Variants in KIAA1217 observed in about 807,000 individuals in gnomAD.
The protein encoded by KIAA1217 is KIAA1217.
KIAA1217 carries 88 observed loss-of-function variants against 163.9 expected under a neutral mutation model. The observed-to-expected ratio is 0.54, with a 90% confidence interval of 0.45 to 0.64. KIAA1217 has a LOEUF of 0.64. Ranked by LOEUF, KIAA1217 falls within the 30% of genes least tolerant of loss-of-function variation. The pLI, the probability that KIAA1217 is intolerant of heterozygous loss-of-function variation, is 0.00. For missense variants in KIAA1217, 2,372 were observed against 2,475.0 expected, an observed-to-expected ratio of 0.96 and a Z score of 0.88; for synonymous variants, 903 against 923.1, an observed-to-expected ratio of 0.98 and a Z score of 0.39.
At chr10:23,948,499 G>C (rs1012077241) in intron 1 of KIAA1217, among the ~76,000 whole-genome samples, 10 of 152,058 alleles carry the variant, frequency 6.6e-5, no homozygotes, top group Non-Finnish European at 4.4e-5. Flanking sequence ...ATTTAGTGAG[G>C]TTTTTTGTGA....
At position 24,511,498 on chromosome 10, in the gene KIAA1217, C is replaced by T. The variant is rs111669182; in HGVS notation, c.2002-1761C>T. 6.4e-3 allele frequency among the ~76,000 whole-genome samples: 974 copies of T among 151,904 alleles called. 5 individuals carry two copies. The highest frequency in any genetic ancestry group is 9.0e-3 in the Non-Finnish European group (609 of 67,938). On this transcript the variant is annotated intron_variant, in intron 9 of 20. Coordinates refer to ENST00000376454, the MANE Select transcript of KIAA1217 (RefSeq NM_019590.5). ...TCTCTACTAAAAATTCAAAATTAGC[C>T]GGGTGTGGTGGTGTGGTGGGCACCT...
intron 1 of KIAA1217, among the ~76,000 whole-genome samples, chr10:23,723,333 A>G (rs999936462): frequency 2.6e-5 from 4 of 151,854 alleles, no homozygotes; most frequent in Admixed American, 6.6e-5. Flanking sequence ...TCTGGTTTCT[A>G]TTAGTGTACT....
At chr10:24,110,873 A>G (rs556778910) in intron 2 of KIAA1217, among the ~76,000 whole-genome samples, 2 of 152,372 alleles carry the variant, frequency 1.3e-5, no homozygotes, top group Admixed American at 1.3e-4. Context: ...TAAAACTGAG[A>G]TAATTTGATA....
intron 1 of KIAA1217, among the ~76,000 whole-genome samples, chr10:23,845,839 T>A (rs1277967871): frequency 6.6e-6 from 1 of 152,230 alleles, no homozygotes; most frequent in African/African-American, 2.4e-5. Context: ...TGCCTAGGTT[T>A]TCTTCTAGGA....
At chr10:24,070,761 A>G (rs61109801) in intron 2 of KIAA1217, among the ~76,000 whole-genome samples, 14,343 of 152,208 alleles carry the variant, frequency 0.094, 1,026 homozygotes, top group African/African-American at 0.2. Flanking sequence ...TTTCATTTGC[A>G]CATTATCAGT....
intron 2 of KIAA1217, among the ~76,000 whole-genome samples, chr10:24,076,384 T>C (rs373404139): frequency 3.9e-5 from 6 of 152,322 alleles, no homozygotes; most frequent in South Asian, 4.1e-4. Context: ...CATCTTTGCA[T>C]TGTGGCCATG....
intron 3 of KIAA1217, among the ~76,000 whole-genome samples, chr10:24,412,249 T>A (rs563936176): frequency 2.0e-5 from 3 of 152,188 alleles, no homozygotes; most frequent in African/African-American, 7.2e-5. Context: ...ATTCGAGCCA[T>A]GTCTCATCTG....
At chr10:24,105,498 G>C (rs2062590235) in intron 2 of KIAA1217, among the ~76,000 whole-genome samples, 2 of 152,132 alleles carry the variant, frequency 1.3e-5, no homozygotes, top group Non-Finnish European at 2.9e-5. Context: ...GCTGAGCCAG[G>C]CATAAATAAG....
At chr10:23,700,887 C>T (rs1836399237) in intron 1 of KIAA1217, among the ~76,000 whole-genome samples, 1 of 151,576 alleles carries the variant, frequency 6.6e-6, no homozygotes, top group East Asian at 1.9e-4. Flanking sequence ...TTTCTCTCCC[C>T]TACTAGAAGG....
At chr10:24,456,862 C>A (rs2061845391) in intron 5 of KIAA1217, among the ~76,000 whole-genome samples, 1 of 151,922 alleles carries the variant, frequency 6.6e-6, no homozygotes, top group Non-Finnish European at 1.5e-5. Context: ...GCCACCAAAC[C>A]CGGCTAATTT....
At chr10:23,904,957 CT>C (rs894584822) in intron 1 of KIAA1217, among the ~76,000 whole-genome samples, 104 of 139,712 alleles carry the variant, frequency 7.4e-4, no homozygotes, top group Non-Finnish European at 7.3e-4. Context: ...TCTAAATCTT[CT>C]TTTTTTTTTT....
intron 2 of KIAA1217, among the ~76,000 whole-genome samples, chr10:24,182,013 G>A (rs768119947): frequency 6.6e-6 from 1 of 152,178 alleles, no homozygotes; most frequent in Admixed American, 6.5e-5. Flanking sequence ...AGATGAGCAC[G>A]AGTGGGATCC....
intron 5 of KIAA1217, among the ~76,000 whole-genome samples, chr10:24,468,984 C>A (rs2063218443): frequency 6.6e-6 from 1 of 151,996 alleles, no homozygotes; most frequent in African/African-American, 2.4e-5. Flanking sequence ...TTTAAAATAC[C>A]TATGTAAATA....
intron 5 of KIAA1217, chr10:24,466,425 T>G: frequency 1.7e-6 from 1 of 589,558 alleles, no homozygotes. Flanking sequence ...AAGGACTGAG[T>G]CACCCGTGAG....
Position 23,868,271 on chromosome 10 carries a change from A to G in KIAA1217, c.-320-138954A>G, listed in dbSNP as rs913512777. Among the ~76,000 whole-genome samples the G allele has an allele frequency of 2.6e-5, 4 of 152,236 alleles. No homozygotes were observed. In the East Asian group the frequency reaches 7.8e-4, roughly 30 times the overall value. On this transcript the variant is annotated intron_variant, in intron 1 of 18. Coordinates refer to the KIAA1217 transcript ENST00000376462. ...TTCTTTGCTTCCAGGAAAGCAGCCC[A>G]GATGTACGGTTACTCAGTTAAGCCA... is the stretch of plus-strand genomic sequence containing the variant.
intron 1 of KIAA1217, among the ~76,000 whole-genome samples, chr10:23,853,224 G>T (rs1344544499): frequency 6.6e-6 from 1 of 152,162 alleles, no homozygotes. Context: ...TTAGCATGAA[G>T]AGTTGTTGAA....
intron 1 of KIAA1217, among the ~76,000 whole-genome samples, chr10:23,824,647 AAAATAAAAAAAAT>A (rs1446823840): frequency 2.8e-3 from 246 of 89,288 alleles, no homozygotes; most frequent in Middle Eastern, 0.013. Flanking sequence ...AAAAAAAAAA[AAAATAAAAAAAAT>A]ATATATATAT....
At chr10:24,393,724 C>T (rs767332277) in intron 3 of KIAA1217, among the ~76,000 whole-genome samples, 1 of 152,134 alleles carries the variant, frequency 6.6e-6, no homozygotes, top group Non-Finnish European at 1.5e-5. Context: ...TGGATATAGA[C>T]GTGTACAGAG....
In KIAA1217 at chr10:24,536,741, ATCC is replaced by A; in HGVS notation, c.3415-32_3415-30del. Reference sequence around the variant, plus strand: ...CCTCCATTCTCCTCAGTACCCTTGGATCCCTGTTAACCTCAGTATTTTAATTCC... The same window carrying A: ...CCTCCATTCTCCTCAGTACCCTTGGACTGTTAACCTCAGTATTTTAATTCC... On this transcript the variant is annotated intron_variant, in intron 16 of 20. Coordinates refer to ENST00000376454, the MANE Select transcript of KIAA1217 (RefSeq NM_019590.5). 3.1e-6 allele frequency: 5 copies of A among 1,609,114 alleles called. No individual in the cohort carries two copies. In the East Asian group the frequency reaches 1.1e-4, roughly 36 times the overall value.
Sources: allele counts gnomAD v4.1 joint callset (sites outside exome capture counted in the v4.1 genomes callset), GRCh38; gene constraint gnomAD v4.1.1; transcripts MANE v1.5; gene names NCBI Gene and HGNC (gene_info 2026-07-23, HGNC 2026-07-21).